The following STPG2 variants were observed in gnomAD, a reference collection of about 807,000 sequenced individuals.
STPG2 encodes sperm-tail PG-rich repeat-containing protein 2.
STPG2 carries 56 observed loss-of-function variants against 54.2 expected under a neutral mutation model. The observed-to-expected ratio is 1.03, with a 90% CI of 0.83 to 1.29. The LOEUF is 1.29. Ranked by LOEUF, STPG2 falls within the 50% of genes most tolerant of loss-of-function variation. The probability of loss-of-function intolerance (pLI) is 0.00; values close to 1 mark genes in which losing one functional copy is unlikely to be tolerated. For missense variants in STPG2, 596 were observed against 544.9 expected (o/e 1.09, Z -0.93); for synonymous variants, 200 against 181.8 (o/e 1.10, Z -0.81).
intron 10 of STPG2, among the ~76,000 whole-genome samples, chr4:97,623,004 A>T (rs2148925866): frequency 6.6e-6 from 1 of 152,300 alleles, no homozygotes; most frequent in South Asian, 2.1e-4. Flanking sequence ...AGTTGACAAA[A>T]ACAAGCAATA....
intron 5 of STPG2, among the ~76,000 whole-genome samples, chr4:98,054,327 AT>A: frequency 6.6e-6 from 1 of 152,284 alleles, no homozygotes; most frequent in Non-Finnish European, 1.5e-5. Context: ...ATTTTTTACA[AT>A]TTACTCCAAA....
chr4:97,700,532 A>G (rs1301156565), intron 10 of STPG2, among the ~76,000 whole-genome samples: 11 of 152,188 alleles, frequency 7.2e-5, no homozygotes, highest in Admixed American at 7.2e-4. Flanking sequence ...CTGAGGGAGA[A>G]AGTCCCTGAA....
intron 9 of STPG2, among the ~76,000 whole-genome samples, chr4:97,728,045 C>A (rs1724677724): frequency 6.6e-6 from 1 of 151,936 alleles, no homozygotes. Context: ...TTAGCAAATG[C>A]ATATTATCTA....
At chr4:97,736,421 G>A (rs946136044) in intron 9 of STPG2, among the ~76,000 whole-genome samples, 3 of 152,208 alleles carry the variant, frequency 2.0e-5, no homozygotes, top group Admixed American at 6.5e-5. Flanking sequence ...CCTCACTCAG[G>A]AAGCACAAGG....
intron 5 of STPG2, among the ~76,000 whole-genome samples, chr4:98,031,163 C>G (rs1736584698): frequency 1.3e-5 from 2 of 152,140 alleles, no homozygotes; most frequent in South Asian, 4.1e-4. Flanking sequence ...AAAGGACACC[C>G]TTTTCAACAA....
intron 4 of STPG2, among the ~76,000 whole-genome samples, chr4:97,483,576 A>T (rs1730277371): frequency 6.6e-6 from 1 of 151,820 alleles, no homozygotes; most frequent in Non-Finnish European, 1.5e-5. Context: ...TTTATAAAAC[A>T]AATACTACTA....
At chr4:98,037,559 C>T (rs1483000541) in intron 5 of STPG2, among the ~76,000 whole-genome samples, 1 of 150,898 alleles carries the variant, frequency 6.6e-6, no homozygotes, top group South Asian at 2.1e-4. Context: ...ATCACTGATA[C>T]GCAACATAGT....
chr4:97,918,917 G>C (rs1404639907), intron 8 of STPG2, among the ~76,000 whole-genome samples: 1 of 152,020 alleles, frequency 6.6e-6, no homozygotes, highest in Non-Finnish European at 1.5e-5. Context: ...CCATTAAATA[G>C]CTTATTTATG....
chr4:97,783,855 T>C (rs879507266), intron 9 of STPG2, among the ~76,000 whole-genome samples: 5 of 151,324 alleles, frequency 3.3e-5, no homozygotes, highest in Non-Finnish European at 5.9e-5. Context: ...TTCTCACTCA[T>C]AGGTGGGAAC....
chr4:97,971,423 C>G (rs182002582), intron 7 of STPG2, among the ~76,000 whole-genome samples: 1 of 152,212 alleles, frequency 6.6e-6, no homozygotes, highest in East Asian at 1.9e-4. Flanking sequence ...CAATGATAGA[C>G]TAGTTTAAGA....
chr4:97,861,408 T>C (rs1339080328), intron 8 of STPG2, among the ~76,000 whole-genome samples: 2 of 152,136 alleles, frequency 1.3e-5, no homozygotes, highest in Non-Finnish European at 2.9e-5. Flanking sequence ...TGTAAATTAG[T>C]ACAACCACTT....
chr4:97,949,639 A>G (rs1048519408), intron 7 of STPG2, among the ~76,000 whole-genome samples: 2 of 151,764 alleles, frequency 1.3e-5, no homozygotes, highest in East Asian at 3.9e-4. Context: ...TTGTCTGAAA[A>G]TGACGTAGTT....
downstream of STPG2, among the ~76,000 whole-genome samples, chr4:97,557,476 A>T (rs1209510875): frequency 6.6e-6 from 1 of 152,206 alleles, no homozygotes; most frequent in Non-Finnish European, 1.5e-5. Flanking sequence ...AAAATAAAAC[A>T]CTGTGAAGAA....
At chr4:97,787,213 C>T in intron 9 of STPG2, among the ~76,000 whole-genome samples, 1 of 151,706 alleles carries the variant, frequency 6.6e-6, no homozygotes. Context: ...TTCTTTTGTG[C>T]CTGGGTTAGA....
intron 1 of STPG2, among the ~76,000 whole-genome samples, chr4:98,141,244 C>T (rs919956123): frequency 6.6e-6 from 1 of 152,100 alleles, no homozygotes; most frequent in Non-Finnish European, 1.5e-5. Flanking sequence ...AATATATTTC[C>T]TTGCCATACC....
intron 3 of STPG2, among the ~76,000 whole-genome samples, chr4:98,110,303 T>C (rs556130955): frequency 5.8e-4 from 88 of 152,202 alleles, no homozygotes; most frequent in African/African-American, 2.0e-3. Context: ...ATCCTGAAGC[T>C]GGTGATCAGC....
chr4:97,547,134 A>G lies in STPG2; in HGVS notation c.462+165565T>C, dbSNP rs539525535. ...ACGAACTAAAAATGAAAAGGGTAAA[A>G]GGGCTAGAGAGATAAACCAAGGCCC... On this transcript the variant is annotated intron_variant, in intron 4 of 4. Transcript: ENST00000522676. Among the ~76,000 whole-genome samples, 28 of 152,288 alleles carry G rather than the reference A, an allele frequency of 1.8e-4. No homozygotes were observed. The South Asian group carries it at 5.6e-3, about 30-fold the overall frequency.
intron 9 of STPG2, among the ~76,000 whole-genome samples, chr4:97,783,113 T>C (rs922719916): frequency 6.6e-6 from 1 of 152,112 alleles, no homozygotes; most frequent in Admixed American, 6.5e-5. Flanking sequence ...TTCTGCACAG[T>C]GAAAGAAACT....
chr4:97,837,845 A>C (rs1728677508), intron 9 of STPG2, among the ~76,000 whole-genome samples: 1 of 151,662 alleles, frequency 6.6e-6, no homozygotes, highest in African/African-American at 2.4e-5. Context: ...TAAGTTCCAT[A>C]AATCCCATGA....
Sources: allele counts gnomAD v4.1 joint callset (sites outside exome capture counted in the v4.1 genomes callset), GRCh38; gene constraint gnomAD v4.1.1; transcripts MANE v1.5; gene names NCBI Gene and HGNC (gene_info 2026-07-23, HGNC 2026-07-21).